The following ACSL3 variants were observed in gnomAD, a reference collection of about 807,000 sequenced individuals.
ACSL3 encodes the protein acyl-CoA synthetase long chain family member 3.
A neutral mutation model predicts 84.7 loss-of-function variants in ACSL3; 34 were observed. That is an observed-to-expected ratio of 0.40 (90% confidence interval 0.31 to 0.53). The LOEUF (loss-of-function observed/expected upper bound fraction) is 0.53. ACSL3 is among the 20% of genes least tolerant of loss of function. ACSL3 has a pLI of 0.48. For missense variants in ACSL3, 680 were observed against 873.1 expected, an observed-to-expected ratio of 0.78 and a Z score of 2.79; for synonymous variants, 315 against 299.4, an observed-to-expected ratio of 1.05 and a Z score of -0.54.
At chr2:222,870,149 TG>T (rs150344889) in intron 1 of ACSL3, among the ~76,000 whole-genome samples, 1,665 of 151,262 alleles carry the variant, frequency 0.011, 28 homozygotes, top group African/African-American at 0.039. Flanking sequence ...TTTTGGGGGA[TG>T]GAGAGGGATC....
chr2:222,931,902 G>C (rs1029093304), intron 14 of ACSL3, among the ~76,000 whole-genome samples: 5 of 152,054 alleles, frequency 3.3e-5, no homozygotes, highest in African/African-American at 1.2e-4. Context: ...CTCGGCTCAA[G>C]CAGCTGAGCA....
chr2:222,909,935 C>G (rs1696400220), intron 4 of ACSL3, among the ~76,000 whole-genome samples: 2 of 152,128 alleles, frequency 1.3e-5, no homozygotes, highest in Non-Finnish European at 2.9e-5. Context: ...GTAACCTACC[C>G]CAGGGACACT....
intron 1 of ACSL3, among the ~76,000 whole-genome samples, chr2:222,887,586 T>C (rs1039180153): frequency 1.3e-5 from 2 of 152,156 alleles, no homozygotes; most frequent in Admixed American, 6.6e-5. Context: ...TGGGTGGTGT[T>C]AGTGTTTTGG....
In ACSL3 at chr2:222,933,583, A is replaced by G. The variant is rs533703635; in HGVS notation, c.1847+303A>G. On this transcript the variant is annotated intron_variant, in intron 15 of 16. Coordinates refer to ENST00000357430, the MANE Select transcript of ACSL3 (RefSeq NM_004457.5). ...TACCCCTACCTACCTGTCCCTCAGCAGGGGAAGCTTCACAGAACTACTCCA... is the reference window on the plus strand; with the variant it reads ...TACCCCTACCTACCTGTCCCTCAGCGGGGGAAGCTTCACAGAACTACTCCA... 2.8e-5 allele frequency: 6 copies of G among 211,414 alleles called. No homozygotes were observed. In the Admixed American group the frequency reaches 3.4e-4, roughly 12 times the overall value. The allele number at this position is 211,414 out of a possible 1,614,324, so 13.1% of individuals were successfully genotyped here.
intron 4 of ACSL3, among the ~76,000 whole-genome samples, chr2:222,915,289 T>G (rs1160366686): frequency 6.7e-6 from 1 of 149,806 alleles, no homozygotes; most frequent in Non-Finnish European, 1.5e-5. Context: ...TAAATGCAGT[T>G]GCTTTATCCA....
At chr2:222,923,377 A>G (rs1264743938) in intron 10 of ACSL3, among the ~76,000 whole-genome samples, 1 of 152,228 alleles carries the variant, frequency 6.6e-6, no homozygotes, top group African/African-American at 2.4e-5. Context: ...TGTAATTATC[A>G]ACTTGTTTGC....
At position 222,899,089 on chromosome 2, in the gene ACSL3, T is replaced by C. The variant is rs370831801; in HGVS notation, c.-147-1585T>C. On this transcript the variant is annotated intron_variant, in intron 2 of 16. Transcript: ENST00000357430. ...ATTTAGCTTTCACCGTCATACGATA[T>C]AGAAAAATAAACACTGTTGAATTAA... 5.9e-5 allele frequency among the ~76,000 whole-genome samples: 9 copies of C among 152,098 alleles called. No individual in the cohort carries two copies. In the South Asian group the frequency reaches 8.3e-4, roughly 14 times the overall value.
chr2:222,877,672 G>A (rs926439324), intron 1 of ACSL3, among the ~76,000 whole-genome samples: 4 of 152,180 alleles, frequency 2.6e-5, no homozygotes, highest in Non-Finnish European at 4.4e-5. Flanking sequence ...ACTGGCATAT[G>A]TAATGCCTAT....
intron 1 of ACSL3, among the ~76,000 whole-genome samples, chr2:222,881,265 A>G (rs1695585951): frequency 6.6e-6 from 1 of 152,208 alleles, no homozygotes; most frequent in Non-Finnish European, 1.5e-5. Flanking sequence ...CTTAGATCAC[A>G]TCTCAGTTTG....
At chr2:222,908,188 A>G (rs779647754) in intron 3 of ACSL3, among the ~76,000 whole-genome samples, 9 of 152,242 alleles carry the variant, frequency 5.9e-5, no homozygotes, top group East Asian at 1.9e-4. Context: ...TTCTTGCGTC[A>G]TAGTTTAACC....
At chr2:222,884,201 T>G (rs144529839) in intron 1 of ACSL3, among the ~76,000 whole-genome samples, 70 of 152,336 alleles carry the variant, frequency 4.6e-4, no homozygotes, top group African/African-American at 1.7e-3. Flanking sequence ...TTCTCAACAT[T>G]TGGCACCAGG....
chr2:222,918,253 C>T, intron 6 of ACSL3, 98 bp downstream of exon 6: 1 of 654,522 alleles, frequency 1.5e-6, no homozygotes, highest in Non-Finnish European at 2.5e-6. Context: ...ACTTTTAAGT[C>T]CTTAATCTTT....
rs75471583 is a variant in ACSL3 at position 222,927,925 on chromosome 2, C to T, written c.1465+736C>T. ...GTTTTTCAGTTATGTTCTCTGTTTT[C>T]GTATATTTTTGGAAGCTAGTTCTAA... On this transcript the variant is annotated intron_variant, in intron 12 of 16. Transcript: ENST00000357430. Among the ~76,000 whole-genome samples, 1,077 of 152,012 alleles carry T rather than the reference C, an allele frequency of 7.1e-3. 12 individuals carry two copies. The highest frequency in any genetic ancestry group is 0.031 in the Middle Eastern group (9 of 294).
intron 13 of ACSL3, 72 bp from the exon 14 acceptor site, chr2:222,930,549 T>C (rs1378072346): frequency 4.9e-5 from 62 of 1,260,452 alleles, no homozygotes; most frequent in Non-Finnish European, 6.6e-5. Context: ...GATGACTGTT[T>C]AGAAACTAGT....
rs970117406 is a variant in ACSL3, at chr2:222,908,987, A to T, written c.215A>T (p.Asn72Ile). Reference protein sequence around the residue: ...SKPDSAYRSVNSLDGLASVLY... With the variant: ...SKPDSAYRSVISLDGLASVLY... ...CCTGATTCTGCATACAGATCTGTTA[A>T]TAGTTTGGATGGTTTGGCTTCAGTA... Residue 72 changes from asparagine (N) to isoleucine (I), a missense_variant, in exon 4 of 17, where the codon AAT becomes ATT. This residue lies in a region of ACSL3 where 333 missense variants were observed against 347.5 expected (regional missense o/e 0.96). Coordinates refer to ENST00000357430, the MANE Select transcript of ACSL3 (RefSeq NM_004457.5). The T allele has an allele frequency of 6.2e-7, 1 of 1,613,862 alleles. No individual in the cohort carries two copies. Among genetic ancestry groups the T allele is most frequent in the Non-Finnish European group, 8.5e-7 (1 of 1,179,908 alleles).
intron 2 of ACSL3, among the ~76,000 whole-genome samples, chr2:222,891,938 A>G (rs1303158478): frequency 6.6e-6 from 1 of 152,234 alleles, no homozygotes; most frequent in East Asian, 1.9e-4. Context: ...CCAGATAGTA[A>G]TATGACTAAA....
chr2:222,914,234 CGTGTGTGTGTGTGT>C (rs57546680), intron 4 of ACSL3, among the ~76,000 whole-genome samples: 131 of 140,262 alleles, frequency 9.3e-4, no homozygotes, highest in East Asian at 4.4e-3. Flanking sequence ...TGTGTGTGTA[CGTGTGTGTGTGTGT>C]GTGTGTGTGT....
At chr2:222,896,117 C>T (rs1307930584) in intron 2 of ACSL3, among the ~76,000 whole-genome samples, 2 of 11,340 alleles carry the variant, frequency 1.8e-4, no homozygotes, top group Admixed American at 1.6e-3. Flanking sequence ...GGCTGACCCC[C>T]CCACCTCCCT....
In ACSL3 at chr2:222,934,522, T is replaced by C. The variant is rs758797883; in HGVS notation, c.1848-8T>C. On this transcript the variant is annotated splice_polypyrimidine_tract_variant and splice_region_variant and intron_variant, in intron 15 of 16. Transcript: ENST00000357430. ...TGTTCCTTATCTGTTATCCTTTCTA[T>C]ATTTCAGTTATCATTCTTATGTCAT... is the stretch of plus-strand genomic sequence containing the variant. 2 of 1,543,780 alleles carry C rather than the reference T, an allele frequency of 1.3e-6. No homozygotes were observed. The highest frequency in any genetic ancestry group is 8.7e-7 in the Non-Finnish European group (1 of 1,143,196).
Sources: gnomAD v4.1 joint callset for allele counts (sites outside exome capture counted in the v4.1 genomes callset) on GRCh38, gnomAD v4.1.1 for gene constraint, gnomAD v4.1.1 regional missense constraint, MANE v1.5 for transcripts, NCBI Gene and HGNC (gene_info 2026-07-23, HGNC 2026-07-21) for gene names.